EFCAB6: variants seen among roughly 807,000 people sequenced by gnomAD.
EFCAB6 encodes EF-hand calcium binding domain 6.
EFCAB6 carries 156 observed loss-of-function variants against 169.8 expected under a neutral mutation model. The observed-to-expected ratio is 0.92, with a 90% confidence interval of 0.81 to 1.05. The LOEUF is 1.05. EFCAB6 is among the 50% of genes least tolerant of loss of function. EFCAB6 has a pLI of 0.00. For synonymous variants in EFCAB6, 698 were observed against 676.4 expected, an observed-to-expected ratio of 1.03 and a Z score of -0.50; for missense variants, 1,800 against 1,829.1, an observed-to-expected ratio of 0.98 and a Z score of 0.29.
At chr22:43,678,310 T>C in intron 12 of EFCAB6, 147 bp from the exon 13 acceptor site, 1 of 684,184 alleles carries the variant, frequency 1.5e-6, no homozygotes, top group Non-Finnish European at 2.4e-6. Flanking sequence ...CGACTGATGA[T>C]CCTTACATAA....
intron 2 of EFCAB6, among the ~76,000 whole-genome samples, chr22:43,784,891 T>A (rs1006905468): frequency 6.7e-6 from 1 of 149,852 alleles, no homozygotes; most frequent in Non-Finnish European, 1.5e-5. Context: ...AAATTTTTTT[T>A]AAAAAGAAAG....
rs907402309 is a variant in EFCAB6, at chr22:43,795,921, A to C, written c.-8+13074T>G. Among the ~76,000 whole-genome samples the C allele has an allele frequency of 4.0e-5, 6 of 150,764 alleles. No individual in the cohort carries two copies. Among genetic ancestry groups the C allele is most frequent in the African/African-American group, 1.5e-4 (6 of 40,954 alleles). On this transcript the variant is annotated intron_variant, in intron 2 of 31. Transcript: ENST00000262726. The surrounding 1 kb of genome is among the most constrained non-coding windows in gnomAD (Gnocchi z 4.2). ...CACCACACATACACCACACACACAC[A>C]CACCCCTTCATCACACACGTACCAC...
At chr22:43,575,260 G>A (rs1286766413) in intron 26 of EFCAB6, among the ~76,000 whole-genome samples, 1 of 151,820 alleles carries the variant, frequency 6.6e-6, no homozygotes, top group Admixed American at 6.6e-5. Flanking sequence ...GTGCAATCTC[G>A]GCTCACTGCA....
intron 9 of EFCAB6, 92 bp from the exon 10 acceptor site, chr22:43,711,715 A>G: frequency 1.4e-6 from 2 of 1,463,922 alleles, no homozygotes; most frequent in East Asian, 5.0e-5. Context: ...ACCTCTTCAA[A>G]TTTTTCTCTC....
chr22:43,754,563 C>G (rs1013165237), intron 6 of EFCAB6, among the ~76,000 whole-genome samples: 5 of 152,182 alleles, frequency 3.3e-5, no homozygotes, highest in African/African-American at 9.7e-5. Flanking sequence ...GGTTTCAACT[C>G]TTAGCAGGGG....
At chr22:43,652,512 T>C (rs566967120) in intron 17 of EFCAB6, among the ~76,000 whole-genome samples, 1 of 152,240 alleles carries the variant, frequency 6.6e-6, no homozygotes, top group East Asian at 1.9e-4. Context: ...TTTGAAGTTT[T>C]ATGCCCTAGG....
chr22:43,705,773 T>C (rs143440945), intron 10 of EFCAB6, among the ~76,000 whole-genome samples: 13 of 152,170 alleles, frequency 8.5e-5, no homozygotes, highest in African/African-American at 3.1e-4. Flanking sequence ...TACCAATAAA[T>C]GCCTACACCA....
intron 2 of EFCAB6, among the ~76,000 whole-genome samples, chr22:43,804,973 C>T (rs546920477): frequency 2.6e-5 from 4 of 152,064 alleles, no homozygotes; most frequent in African/African-American, 9.7e-5. Flanking sequence ...TAGAAAAAAA[C>T]CAAACACTCC....
intron 6 of EFCAB6, among the ~76,000 whole-genome samples, chr22:43,736,214 T>C (rs1372105266): frequency 1.3e-5 from 2 of 152,130 alleles, no homozygotes; most frequent in Admixed American, 1.3e-4. Flanking sequence ...GTCTTAGTAA[T>C]TTAAAAAAAA....
In EFCAB6 at chr22:43,678,057, G is replaced by A; in HGVS notation, c.1358C>T (p.Pro453Leu). ...GGTGTTGACCACTCCAGTGTCCCCAGGGTCAAGCATTTGCATTAGTTCTTT... is the reference window on the plus strand; with the variant it reads ...GGTGTTGACCACTCCAGTGTCCCCAAGGTCAAGCATTTGCATTAGTTCTTT... The part of the protein sequence containing the change: ...EFKELMQMLD[P>L]GDTGVVNTSM... The change falls in exon 13 of 32, where the codon CCT becomes CTT. Residue 453 changes from proline to leucine, a missense_variant. Transcript: ENST00000262726. The A allele has an allele frequency of 6.2e-7, 1 of 1,614,048 alleles. No individual in the cohort carries two copies.
intron 2 of EFCAB6, among the ~76,000 whole-genome samples, chr22:43,786,838 A>G (rs1442325731): frequency 2.0e-5 from 3 of 152,198 alleles, no homozygotes; most frequent in Non-Finnish European, 4.4e-5. Flanking sequence ...ATGCAGCAAC[A>G]TATTTTTAAA....
At chr22:43,669,090 A>G in intron 15 of EFCAB6, 45 bp from the exon 16 acceptor site, 5 of 1,491,084 alleles carry the variant, frequency 3.4e-6, no homozygotes, top group Non-Finnish European at 4.5e-6. Flanking sequence ...AGAGTAATTA[A>G]AACGGAAAAG....
intron 26 of EFCAB6, among the ~76,000 whole-genome samples, chr22:43,555,917 A>G (rs1183904819): frequency 6.6e-6 from 1 of 152,250 alleles, no homozygotes; most frequent in Non-Finnish European, 1.5e-5. Flanking sequence ...TGTGCTGGCA[A>G]GAGGGCTTGT....
At chr22:43,742,309 C>G (rs749717932) in intron 6 of EFCAB6, among the ~76,000 whole-genome samples, 25 of 152,202 alleles carry the variant, frequency 1.6e-4, no homozygotes, top group African/African-American at 6.0e-4. Flanking sequence ...CACACAGCCA[C>G]GCCCACTCAT....
At chr22:43,563,976 A>T (rs950693343) in intron 26 of EFCAB6, among the ~76,000 whole-genome samples, 8 of 152,202 alleles carry the variant, frequency 5.3e-5, no homozygotes, top group Non-Finnish European at 1.0e-4. Context: ...GCTCCAATTG[A>T]GGTGAGGGCC....
At chr22:43,601,133 A>C (rs760010897) in intron 22 of EFCAB6, among the ~76,000 whole-genome samples, 2 of 152,236 alleles carry the variant, frequency 1.3e-5, no homozygotes, top group Non-Finnish European at 2.9e-5. Flanking sequence ...TGCCAATTAC[A>C]TACAGCCAAT....
chr22:43,669,895 G>A (rs967649631), intron 15 of EFCAB6, among the ~76,000 whole-genome samples: 9 of 152,170 alleles, frequency 5.9e-5, no homozygotes, highest in South Asian at 2.1e-4. Context: ...TTCTTCACTC[G>A]ATTCTTTTAT....
chr22:43,684,944 C>T (rs889858926), intron 11 of EFCAB6, among the ~76,000 whole-genome samples: 1 of 152,048 alleles, frequency 6.6e-6, no homozygotes, highest in African/African-American at 2.4e-5. Flanking sequence ...AAGATGCAAT[C>T]CCAAATGCCA....
intron 10 of EFCAB6, among the ~76,000 whole-genome samples, chr22:43,698,904 C>T (rs2058671938): frequency 6.6e-6 from 1 of 152,332 alleles, no homozygotes; most frequent in East Asian, 1.9e-4. Flanking sequence ...TATGTGGTTT[C>T]TCTTTTTCTA....
Sources: allele counts gnomAD v4.1 joint callset (sites outside exome capture counted in the v4.1 genomes callset), GRCh38; gene constraint gnomAD v4.1.1; non-coding constraint Gnocchi (gnomAD v3.1); transcripts MANE v1.5; gene names NCBI Gene and HGNC (gene_info 2026-07-23, HGNC 2026-07-21).